HABP2: variants seen among roughly 807,000 people sequenced by gnomAD.
HABP2 encodes the protein hyaluronan binding protein 2.
A neutral mutation model predicts 66.5 loss-of-function variants in HABP2; 65 were observed. That is an observed-to-expected ratio of 0.98 (90% CI 0.80 to 1.20). The LOEUF (loss-of-function observed/expected upper bound fraction) is 1.20. HABP2 is among the 50% of genes most tolerant of loss of function. The pLI is 0.00. For missense variants in HABP2, 786 were observed against 691.0 expected (o/e 1.14, Z -1.54); for synonymous variants, 263 against 253.9 (o/e 1.04, Z -0.34).
chr10:113,557,351 G>A (rs1255557122), intron 1 of HABP2, among the ~76,000 whole-genome samples: 3 of 151,974 alleles, frequency 2.0e-5, no homozygotes, highest in Non-Finnish European at 4.4e-5. Context: ...TACCTTTAGC[G>A]GTGTACACTG....
At chr10:113,566,147 C>G (rs1845193346) in intron 1 of HABP2, among the ~76,000 whole-genome samples, 1 of 152,206 alleles carries the variant, frequency 6.6e-6, no homozygotes, top group African/African-American at 2.4e-5. Flanking sequence ...TTGATCTCAG[C>G]TTTCTGGCGG....
chr10:113,585,651 C>T (rs1845619385), intron 11 of HABP2, 142 bp from the exon 12 acceptor site: 5 of 660,894 alleles, frequency 7.6e-6, no homozygotes, highest in Non-Finnish European at 1.4e-5. Context: ...AAAGATGAGG[C>T]TTTTCTGCCC....
chr10:113,553,517 A>G (rs190163615), intron 1 of HABP2, among the ~76,000 whole-genome samples: 25 of 152,372 alleles, frequency 1.6e-4, no homozygotes, highest in Admixed American at 1.6e-3. Context: ...GAAGCCATGG[A>G]AAGCTATAAA....
In HABP2 at chr10:113,588,165, C is replaced by G. The variant is rs535212957; in HGVS notation, c.1519-40C>G. On this transcript the variant is annotated intron_variant, in intron 12 of 12. Coordinates refer to ENST00000351270, the MANE Select transcript of HABP2 (RefSeq NM_004132.5). ...GAGGTGGGGGCATCTCCAGATGTCT[C>G]TGGTTCACGAGGATGAGCTTATGCC... The G allele has an allele frequency of 3.9e-6, 6 of 1,540,444 alleles. No homozygotes were observed. In the African/African-American group the frequency reaches 5.5e-5, roughly 14 times the overall value.
At chr10:113,580,551 G>T in intron 7 of HABP2, 44 bp from the exon 8 acceptor site, 1 of 981,652 alleles carries the variant, frequency 1.0e-6, no homozygotes. Flanking sequence ...GATCCAGTGT[G>T]TTCATCAAGC....
In HABP2 at chr10:113,588,655, TC is replaced by T. The variant is rs1396105609; in HGVS notation, c.*287del. On this transcript the variant is annotated 3_prime_UTR_variant, in exon 13 of 13. Coordinates refer to ENST00000351270, the MANE Select transcript of HABP2 (RefSeq NM_004132.5). ...ATTGTACCTTCTAGAAAATCAGTGT[TC>T]ACAGAGACTGCCTCCACCACAGGCA... 1 of 530,754 alleles carries T rather than the reference TC, an allele frequency of 1.9e-6. No homozygotes were observed. The highest frequency in any genetic ancestry group is 3.0e-5 in the East Asian group (1 of 33,062). 32.9% of individuals were successfully genotyped at this position (530,754 alleles called of 1,614,324 possible).
chr10:113,583,229 C>T lies in HABP2; in HGVS notation c.1108C>T (p.His370Tyr), dbSNP rs1845572867. The part of the protein sequence containing the change: ...AAHCTDIKTR[H>Y]LKVVLGDQDL... ...TTTCCCTTGCAGCATAAAAACCAGA[C>T]ATCTAAAGGTGGTGCTAGGGGACCA... The change falls in exon 10 of 13, where the codon CAT becomes TAT. Residue 370 changes from histidine to tyrosine, a missense_variant. By Grantham distance (83) the His-to-Tyr change is moderately conservative (BLOSUM62 2). Transcript: ENST00000351270. 1.4e-5 allele frequency: 23 copies of T among 1,613,824 alleles called. No individual in the cohort carries two copies. The highest frequency in any genetic ancestry group is 1.9e-5 in the Non-Finnish European group (23 of 1,179,760).
Position 113,567,525 on chromosome 10 carries a change from G to A in HABP2, c.106G>A (p.Asp36Asn). The A allele has an allele frequency of 1.9e-6, 3 of 1,609,886 alleles. No homozygotes were observed. The highest frequency in any genetic ancestry group is 1.7e-5 in the Admixed American group (1 of 60,030). ...GTCTTTATTGGAAAGCCTGGACCCA[G>A]GTAAGTGTGCTGATCTCCCTGGGGC... ...LMSLLESLDP[D>N]WTPDQYDYSY... Residue 36 changes from aspartate to asparagine, a missense_variant and splice_region_variant, in exon 2 of 13, where the codon GAC (aspartate) becomes AAC (asparagine). Physicochemically the swap from Asp to Asn is conservative, Grantham distance 23. Coordinates refer to ENST00000351270, the MANE Select transcript of HABP2 (RefSeq NM_004132.5).
rs189823153 is a variant in HABP2 at position 113,567,575 on chromosome 10, T to C, written c.106+50T>C. The C allele has an allele frequency of 6.7e-5, 95 of 1,419,824 alleles. No individual in the cohort carries two copies. The South Asian group carries it at 7.0e-4, about 11-fold the overall frequency. 88.0% of individuals were successfully genotyped at this position (1,419,824 alleles called of 1,614,324 possible). A position where few individuals can be genotyped will look rare whatever the true frequency, so the allele number is the denominator to read the frequency against. ...CTTCCCACCAATCCCAGGCTGGTTC[T>C]GGGCTGGTGAAAAGGAGGCCTAAGT... On this transcript the variant is annotated intron_variant, in intron 2 of 12. Coordinates refer to ENST00000351270, the MANE Select transcript of HABP2 (RefSeq NM_004132.5).
chr10:113,580,572 AGTT>A lies in HABP2; in HGVS notation c.741-19_741-17del, dbSNP rs1845506062. 8.2e-7 allele frequency: 1 copy of A among 1,215,400 alleles called. No homozygotes were observed. Among genetic ancestry groups the A allele is most frequent in the South Asian group, 1.2e-5 (1 of 83,060 alleles). 75.3% of individuals were successfully genotyped at this position (1,215,400 alleles called of 1,614,324 possible). ...GTGTGTTCATCAAGCCTTGACTCTG[AGTT>A]GTTTTGTTTTGTATTTTAGAAACCC... On this transcript the variant is annotated intron_variant, in intron 7 of 12. Coordinates refer to ENST00000351270, the MANE Select transcript of HABP2 (RefSeq NM_004132.5).
rs547273818 is a variant in HABP2, at chr10:113,563,639, C to T, written c.70-3850C>T. Reference sequence around the variant, plus strand: ...CAGCTCCTAGGAAGGGCACGTCTGCCACCTGCTGGCTGTAGGCAGCATGGC... The same window carrying T: ...CAGCTCCTAGGAAGGGCACGTCTGCTACCTGCTGGCTGTAGGCAGCATGGC... On this transcript the variant is annotated intron_variant, in intron 1 of 12. Transcript: ENST00000351270. Among the ~76,000 whole-genome samples, 10 of 152,306 alleles carry T rather than the reference C, an allele frequency of 6.6e-5. No homozygotes were observed. In the East Asian group the frequency reaches 1.7e-3, roughly 27 times the overall value.
At chr10:113,581,391 T>C (rs11575687) in intron 8 of HABP2, among the ~76,000 whole-genome samples, 46,668 of 152,112 alleles carry the variant, frequency 0.31, 7,334 homozygotes, top group East Asian at 0.46. Context: ...GCTCTCTCCT[T>C]TTGTGTCACA....
At chr10:113,581,226 T>C (rs1369760421) in intron 8 of HABP2, among the ~76,000 whole-genome samples, 2 of 152,226 alleles carry the variant, frequency 1.3e-5, no homozygotes, top group African/African-American at 4.8e-5. Flanking sequence ...TACCATCCCA[T>C]ATCTGTTCTT....
chr10:113,578,780 G>T lies in HABP2; in HGVS notation c.722G>T (p.Gly241Val), dbSNP rs144425723. ...GAGGATGCTGAAACCCATGGGATTGGGGAACACAATTTCTGCAGGTAACAT... is the reference window on the plus strand; with the variant it reads ...GAGGATGCTGAAACCCATGGGATTGTGGAACACAATTTCTGCAGGTAACAT... ...FMEDAETHGI[G>V]EHNFCRNPDA... Residue 241 changes from glycine to valine, a missense_variant, in exon 7 of 13, where the codon GGG becomes GTG. Physicochemically the swap from Gly to Val is moderately radical, Grantham distance 109. Transcript: ENST00000351270. 9 of 1,610,472 alleles carry T rather than the reference G, an allele frequency of 5.6e-6. No individual in the cohort carries two copies. Among genetic ancestry groups the T allele is most frequent in the Middle Eastern group, 1.6e-4 (1 of 6,080 alleles).
At chr10:113,564,730 A>C (rs985102685) in intron 1 of HABP2, among the ~76,000 whole-genome samples, 1 of 152,228 alleles carries the variant, frequency 6.6e-6, no homozygotes, top group Non-Finnish European at 1.5e-5. Context: ...AATTGTTAAC[A>C]TGTCGTTATG....
chr10:113,589,537 T>G lies in HABP2; in HGVS notation c.*1168T>G. ...GACCCATGAAATTAGGCGCCTTGTT[T>G]GAGCTGCGTTTCACACTTCTTTAGA... On this transcript the variant is annotated 3_prime_UTR_variant, in exon 13 of 13. Coordinates refer to ENST00000351270, the MANE Select transcript of HABP2 (RefSeq NM_004132.5). 10 of 1,136,134 alleles carry G rather than the reference T, an allele frequency of 8.8e-6. No individual in the cohort carries two copies. The highest frequency in any genetic ancestry group is 1.5e-5 in the South Asian group (1 of 65,758). 70.4% of individuals were successfully genotyped at this position (1,136,134 alleles called of 1,614,324 possible).
At chr10:113,558,506 C>G (rs529617914) in intron 1 of HABP2, among the ~76,000 whole-genome samples, 3 of 152,218 alleles carry the variant, frequency 2.0e-5, no homozygotes, top group African/African-American at 4.8e-5. Flanking sequence ...CCAGCACCCG[C>G]CAGTCCTTCC....
Position 113,581,994 on chromosome 10 carries a change from G to C in HABP2, c.957G>C (p.Lys319Asn). ...TCAAGAGAATCTATGGAGGCTTTAA[G>C]AGCACGGCGGGCAAGCACCCATGGC... ...RKIKRIYGGF[K>N]STAGKHPWQA... is the part of the protein sequence containing the mutation. Residue 319 changes from lysine to asparagine, a missense_variant, in exon 9 of 13, where the codon AAG (lysine) becomes AAC (asparagine). Physicochemically the swap from Lys to Asn is moderately conservative, Grantham distance 94. Coordinates refer to ENST00000351270, the MANE Select transcript of HABP2 (RefSeq NM_004132.5). 1 of 1,613,984 alleles carries C rather than the reference G, an allele frequency of 6.2e-7. No individual in the cohort carries two copies. Among genetic ancestry groups the C allele is most frequent in the Non-Finnish European group, 8.5e-7 (1 of 1,179,952 alleles).
chr10:113,556,975 C>G (rs920312309), intron 1 of HABP2, among the ~76,000 whole-genome samples: 1 of 152,002 alleles, frequency 6.6e-6, no homozygotes, highest in East Asian at 1.9e-4. Flanking sequence ...TCCTCTTGAC[C>G]AATGTGCATT....
Sources: allele counts gnomAD v4.1 joint callset (sites outside exome capture counted in the v4.1 genomes callset), GRCh38; gene constraint gnomAD v4.1.1; transcripts MANE v1.5; gene names NCBI Gene and HGNC (gene_info 2026-07-23, HGNC 2026-07-21).